The following CLVS1 variants were observed in gnomAD, a reference collection of about 807,000 sequenced individuals.
The protein encoded by CLVS1 is clavesin-1.
In CLVS1, 10 loss-of-function variants were observed where a neutral mutation model predicts 33.1. The ratio of observed to expected loss-of-function variants is 0.30; its 90% confidence interval spans 0.19 to 0.51. The LOEUF is 0.51. Ranked by LOEUF, CLVS1 falls within the 20% of genes least tolerant of loss-of-function variation. The probability of loss-of-function intolerance (pLI) is 0.97; values close to 1 mark genes in which losing one functional copy is unlikely to be tolerated. For synonymous variants in CLVS1, 163 were observed against 166.1 expected, an observed-to-expected ratio of 0.98 and a Z score of 0.14; for missense variants, 343 against 433.4, an observed-to-expected ratio of 0.79 and a Z score of 1.85.
intron 5 of CLVS1, among the ~76,000 whole-genome samples, chr8:61,496,801 G>T (rs908834581): frequency 1.3e-5 from 2 of 152,196 alleles, no homozygotes; most frequent in African/African-American, 4.8e-5. Context: ...TTTTTATGGT[G>T]AGGTGGAAGG....
chr8:61,020,046 G>A, the CLVS1 span, among the ~76,000 whole-genome samples: 917 of 152,316 alleles, frequency 6.0e-3, 5 homozygotes, highest in African/African-American at 0.019. Context: ...GCAGAGAGAG[G>A]CCAGTCAGGT....
rs554460885 is a variant in CLVS1, at chr8:61,278,436, A to G, written c.-151-21241A>G. 1.9e-3 allele frequency among the ~76,000 whole-genome samples: 291 copies of G among 152,366 alleles called. 1 individual carries two copies. The highest frequency in any genetic ancestry group is 6.5e-3 in the African/African-American group (270 of 41,586). ...GCCCATCTTCCTCTACAATTTTAAAAGGATCCTCGTATAGATGTGTTTCCT... is the reference window on the plus strand; with the variant it reads ...GCCCATCTTCCTCTACAATTTTAAAGGGATCCTCGTATAGATGTGTTTCCT... On this transcript the variant is annotated intron_variant, in intron 2 of 2. Transcript: ENST00000522621.
Position 61,299,705 on chromosome 8 carries a change from T to G in CLVS1, c.-123T>G, listed in dbSNP as rs1041617475. 8.9e-6 allele frequency: 6 copies of G among 674,754 alleles called. No individual in the cohort carries two copies. In the African/African-American group the frequency reaches 1.1e-4, roughly 12 times the overall value. 41.8% of individuals were successfully genotyped at this position (674,754 alleles called of 1,614,324 possible). Reference sequence around the variant, plus strand: ...GCAATGGCCTCAGTTTTGCTTCTGTTTTGGATGAACACCACCACATAGGGC... The same window carrying G: ...GCAATGGCCTCAGTTTTGCTTCTGTGTTGGATGAACACCACCACATAGGGC... On this transcript the variant is annotated 5_prime_UTR_variant, in exon 2 of 6. Transcript: ENST00000325897.
chr8:61,071,838 T>G (rs750529918), intron 1 of CLVS1, among the ~76,000 whole-genome samples: 1 of 152,180 alleles, frequency 6.6e-6, no homozygotes, highest in Non-Finnish European at 1.5e-5. Flanking sequence ...GCTTTCAAGG[T>G]GTACTGACAC....
At chr8:61,145,874 A>C (rs1806405921) in intron 2 of CLVS1, among the ~76,000 whole-genome samples, 1 of 152,188 alleles carries the variant, frequency 6.6e-6, no homozygotes, top group Non-Finnish European at 1.5e-5. Context: ...TCTGTCACGT[A>C]AGTGTTACAA....
chr8:61,388,263 A>G (rs1814163617), intron 3 of CLVS1, among the ~76,000 whole-genome samples: 1 of 151,242 alleles, frequency 6.6e-6, no homozygotes, highest in Non-Finnish European at 1.5e-5. Context: ...AGTACAGTTT[A>G]TACAAAAAGA....
chr8:61,420,082 TA>T (rs1416633956), intron 3 of CLVS1, among the ~76,000 whole-genome samples: 1 of 152,210 alleles, frequency 6.6e-6, no homozygotes, highest in East Asian at 1.9e-4. Flanking sequence ...ATGGAACTCA[TA>T]CTCAACATAG....
At chr8:61,022,480 G>A in the CLVS1 span, among the ~76,000 whole-genome samples, 2 of 152,144 alleles carry the variant, frequency 1.3e-5, no homozygotes, top group East Asian at 1.9e-4. Context: ...GAAAGTACCT[G>A]AAAGCTTAGT....
intron 2 of CLVS1, among the ~76,000 whole-genome samples, chr8:61,188,430 C>T (rs2931313): frequency 6.6e-6 from 1 of 151,750 alleles, no homozygotes; most frequent in African/African-American, 2.4e-5. Context: ...TAGGGACAAC[C>T]TAATAACAGA....
intron 3 of CLVS1, among the ~76,000 whole-genome samples, chr8:61,426,152 C>A (rs1815883596): frequency 6.6e-6 from 1 of 152,170 alleles, no homozygotes; most frequent in Non-Finnish European, 1.5e-5. Flanking sequence ...GGGAAACTGA[C>A]CAGATGTGGC....
At chr8:61,283,127 T>C (rs545488786), upstream of CLVS1, among the ~76,000 whole-genome samples, 1 of 152,314 alleles carries the variant, frequency 6.6e-6, no homozygotes, top group East Asian at 1.9e-4. Flanking sequence ...TGAATGAAAA[T>C]ATTCTCTCTC....
At chr8:61,126,393 G>A (rs992416190) in intron 1 of CLVS1, among the ~76,000 whole-genome samples, 4 of 152,190 alleles carry the variant, frequency 2.6e-5, no homozygotes, top group African/African-American at 4.8e-5. Context: ...AACCATCAGG[G>A]TCTGGGGTTC....
intron 2 of CLVS1, among the ~76,000 whole-genome samples, chr8:61,158,255 T>C (rs113677170): frequency 0.01 from 1,532 of 152,216 alleles, 35 homozygotes; most frequent in African/African-American, 0.034. Context: ...CATATAAGAT[T>C]CGAAATGGGG....
At chr8:61,350,704 CA>C (rs1812418379) in intron 2 of CLVS1, among the ~76,000 whole-genome samples, 2 of 152,208 alleles carry the variant, frequency 1.3e-5, no homozygotes, top group South Asian at 4.1e-4. Flanking sequence ...CGAAAATGAA[CA>C]GAGCAATTAT....
Position 61,170,943 on chromosome 8 carries a change from C to A in CLVS1, c.-152+39083C>A, listed in dbSNP as rs182331333. ...AGAGAAAATTGGAAATGGTTAACAT[C>A]TTCCTTACTTTCTGTCCTTTTATGT... On this transcript the variant is annotated intron_variant, in intron 2 of 2. Coordinates refer to the CLVS1 transcript ENST00000522621. Among the ~76,000 whole-genome samples, 109 of 152,274 alleles carry A rather than the reference C, an allele frequency of 7.2e-4. 1 individual carries two copies. The highest frequency in any genetic ancestry group is 2.6e-3 in the African/African-American group (108 of 41,554).
At chr8:61,201,427 C>A (rs1371504788) in intron 2 of CLVS1, among the ~76,000 whole-genome samples, 1 of 152,012 alleles carries the variant, frequency 6.6e-6, no homozygotes. Flanking sequence ...GTCTACAAAT[C>A]CAGTGTCTTT....
chr8:61,288,867 C>T (rs917939924), intron 1 of CLVS1, among the ~76,000 whole-genome samples: 4 of 152,116 alleles, frequency 2.6e-5, no homozygotes, highest in African/African-American at 9.7e-5. Flanking sequence ...GTTTTTTCTT[C>T]TTTTTTCACT....
intron 1 of CLVS1, among the ~76,000 whole-genome samples, chr8:61,123,692 T>G (rs1805919245): frequency 6.6e-6 from 1 of 152,206 alleles, no homozygotes; most frequent in Admixed American, 6.5e-5. Flanking sequence ...TTGTGGAGTT[T>G]TGTACATTTC....
the CLVS1 span, among the ~76,000 whole-genome samples, chr8:61,009,502 T>A: frequency 6.6e-6 from 1 of 151,740 alleles, no homozygotes; most frequent in Non-Finnish European, 1.5e-5. Flanking sequence ...TTTTGATGTT[T>A]TTGTTTATAT....
Sources: allele counts gnomAD v4.1 joint callset (sites outside exome capture counted in the v4.1 genomes callset), GRCh38; gene constraint gnomAD v4.1.1; transcripts MANE v1.5; gene names NCBI Gene and HGNC (gene_info 2026-07-23, HGNC 2026-07-21).